NCR3: variants seen among roughly 807,000 people sequenced by gnomAD.
The protein encoded by NCR3 is NK-p30.
A neutral mutation model predicts 16.1 loss-of-function variants in NCR3; 13 were observed. The observed-to-expected ratio is 0.81, with a 90% CI of 0.53 to 1.28. The LOEUF (loss-of-function observed/expected upper bound fraction) is 1.28, where lower values mean the gene tolerates loss of function less well. Ranked by LOEUF, NCR3 falls within the 50% of genes most tolerant of loss-of-function variation. The probability of loss-of-function intolerance (pLI) is 0.00; values close to 1 mark genes in which losing one functional copy is unlikely to be tolerated. For missense variants in NCR3, 202 were observed against 256.8 expected (o/e 0.79, Z 1.46); for synonymous variants, 98 against 106.6 (o/e 0.92, Z 0.50).
Position 31,589,769 on chromosome 6 carries a change from C to G in NCR3, c.388+13G>C, listed in dbSNP as rs749488239. ...CTCCAGCCAGGAGGAGACACCACCTCCCAGCATCTCACCTTTCTCCACCAC... is the reference window on the plus strand; with the variant it reads ...CTCCAGCCAGGAGGAGACACCACCTGCCAGCATCTCACCTTTCTCCACCAC... On this transcript the variant is annotated intron_variant, in intron 2 of 3. Coordinates refer to ENST00000340027, the MANE Select transcript of NCR3 (RefSeq NM_147130.3). The surrounding 1 kb of genome is among the most constrained non-coding windows in gnomAD (Gnocchi z 4.8). 1.2e-6 allele frequency: 2 copies of G among 1,607,140 alleles called. No homozygotes were observed. Among genetic ancestry groups the G allele is most frequent in the Non-Finnish European group, 1.7e-6 (2 of 1,176,050 alleles).
chr6:31,591,406 T>G (rs1367827323), intron 1 of NCR3, among the ~76,000 whole-genome samples: 2 of 151,844 alleles, frequency 1.3e-5, no homozygotes, highest in African/African-American at 4.8e-5. Context: ...AGTTTTTGAC[T>G]CAGTAGGTCT....
intron 1 of NCR3, 139 bp from the exon 2 acceptor site, chr6:31,590,265 A>G (rs1379027268): frequency 1.5e-6 from 1 of 689,366 alleles, no homozygotes; most frequent in East Asian, 2.7e-5. Context: ...GCCTCATTAA[A>G]CCCTTCCCTC....
chr6:31,592,372 C>T (rs1772696175), intron 1 of NCR3, among the ~76,000 whole-genome samples: 1 of 147,942 alleles, frequency 6.8e-6, no homozygotes, highest in Non-Finnish European at 1.5e-5. Context: ...AAAATCGCAC[C>T]ACGGCACTCC....
rs752238331 is a variant in NCR3, at chr6:31,589,610, T to C, written c.412A>G (p.Thr138Ala). Residue 138 changes from threonine (T) to alanine (A), a missense_variant, in exon 3 of 4, where the codon ACA becomes GCA. By Grantham distance (58) the Thr-to-Ala change is moderately conservative (BLOSUM62 0). Coordinates refer to ENST00000340027, the MANE Select transcript of NCR3 (RefSeq NM_147130.3). The surrounding 1 kb of genome is among the most constrained non-coding windows in gnomAD (Gnocchi z 4.8). ...AATCCAGCCCGAAGGAGGAGGACTGTACCAGCCCCTAGCTGAGGATGTTCT... is the reference window on the plus strand; with the variant it reads ...AATCCAGCCCGAAGGAGGAGGACTGCACCAGCCCCTAGCTGAGGATGTTCT... The part of the protein sequence containing the change: ...EKEHPQLGAG[T>A]VLLLRAGFYA... The C allele has an allele frequency of 6.2e-7, 1 of 1,613,638 alleles. No homozygotes were observed. Among genetic ancestry groups the C allele is most frequent in the Non-Finnish European group, 8.5e-7 (1 of 1,180,012 alleles).
At position 31,589,823 on chromosome 6, in the gene NCR3, C is replaced by G. The variant is rs534765889; in HGVS notation, c.347G>C (p.Gly116Ala). 92 of 1,613,152 alleles carry G rather than the reference C, an allele frequency of 5.7e-5. No individual in the cohort carries two copies. In the East Asian group the frequency reaches 1.9e-3, roughly 34 times the overall value. ...CCGAGTCCCATTCCCTGTCCCGACA[C>G]CAAGGCCCAGCACCTCCACTCTGCA... ...YVCRVEVLGL[G>A]VGTGNGTRLV... The change falls in exon 2 of 4, where the codon GGT (glycine) becomes GCT (alanine). Residue 116 changes from glycine (G) to alanine (A), a missense_variant. Gly to Ala is a moderately conservative substitution (Grantham distance 60). Coordinates refer to ENST00000340027, the MANE Select transcript of NCR3 (RefSeq NM_147130.3). The surrounding 1 kb of genome is among the most constrained non-coding windows in gnomAD (Gnocchi z 4.8).
rs1425270891 is a variant in NCR3 at position 31,589,334 on chromosome 6, A to G, written c.497-158T>C. The G allele has an allele frequency of 3.2e-6, 5 of 1,552,260 alleles. No individual in the cohort carries two copies. The highest frequency in any genetic ancestry group is 2.0e-5 in the Admixed American group (1 of 51,008). ...GGACTAGGGACATCTGGGCTCTGGA[A>G]TCACTCCTCGGGGCCCATCTGAGGA... is the stretch of plus-strand genomic sequence containing the variant. On this transcript the variant is annotated intron_variant, in intron 3 of 3. Transcript: ENST00000340027. This position sits in a 1 kb window ranked among gnomAD's most constrained non-coding sequence, Gnocchi z 4.8.
At position 31,592,767 on chromosome 6, in the gene NCR3, C is replaced by CT; in HGVS notation, c.-47dup. ...GCGAAGGGGATCTGAGCAGTGAGGT[C>CT]TGGGTGGAGGAGGAAGGACTCACTA... On this transcript the variant is annotated 5_prime_UTR_variant, in exon 1 of 4. Transcript: ENST00000340027. 1 of 1,610,072 alleles carries CT rather than the reference C, an allele frequency of 6.2e-7. No individual in the cohort carries two copies. The highest frequency in any genetic ancestry group is 8.5e-7 in the Non-Finnish European group (1 of 1,177,812).
At position 31,592,980 on chromosome 6, in the gene NCR3, T is replaced by C; in HGVS notation, c.-259A>G. On this transcript the variant is annotated 5_prime_UTR_variant, in exon 1 of 4. Coordinates refer to ENST00000340027, the MANE Select transcript of NCR3 (RefSeq NM_147130.3). ...GTCTCTAGGAGGCCAAGGGGCCAGCTTGTGGCAGGCTAGCTAAGCGTGTGA... is the reference window on the plus strand; with the variant it reads ...GTCTCTAGGAGGCCAAGGGGCCAGCCTGTGGCAGGCTAGCTAAGCGTGTGA... The C allele has an allele frequency of 1.7e-6, 1 of 579,680 alleles. No individual in the cohort carries two copies. Among genetic ancestry groups the C allele is most frequent in the South Asian group, 2.0e-5 (1 of 50,256 alleles). The allele number at this position is 579,680 out of a possible 1,614,324, so 35.9% of individuals were successfully genotyped here.
rs3179004 is a variant in NCR3, at chr6:31,589,145, C to T, written c.528G>A (p.Leu176=). ...CLTWKGPRRQ[L]PAVVPAPLPP... ...GGAGGGGCGCTGGGACCACAGCCGGCAGCTGCCTTCTTGGACCTTTCCAGG... is the reference window on the plus strand; with the variant it reads ...GGAGGGGCGCTGGGACCACAGCCGGTAGCTGCCTTCTTGGACCTTTCCAGG... The change falls in exon 4 of 4, where the codon CTG becomes CTA. Residue 176 remains leucine, a synonymous_variant. Transcript: ENST00000340027. The surrounding 1 kb of genome is among the most constrained non-coding windows in gnomAD (Gnocchi z 4.8). 60,390 of 1,613,792 alleles carry T rather than the reference C, an allele frequency of 0.037. 2,001 individuals are homozygous for T. Among genetic ancestry groups the T allele is most frequent in the South Asian group, 0.13 (11,532 of 91,012 alleles).
chr6:31,589,693 AG>A lies in NCR3; in HGVS notation c.389-61del, dbSNP rs1451064415. 1.2e-6 allele frequency: 2 copies of A among 1,607,762 alleles called. No individual in the cohort carries two copies. The highest frequency in any genetic ancestry group is 1.7e-6 in the Non-Finnish European group (2 of 1,175,936). ...AAGTGCACACAGGCTCAGGGAGGGAAGGGGCCTCAGAGGAGCATCCCTGCCT... is the reference window on the plus strand; with the variant it reads ...AAGTGCACACAGGCTCAGGGAGGGAAGGGCCTCAGAGGAGCATCCCTGCCT... On this transcript the variant is annotated intron_variant, in intron 2 of 3. Transcript: ENST00000340027. The surrounding 1 kb of genome is among the most constrained non-coding windows in gnomAD (Gnocchi z 4.8).
At chr6:31,590,476 C>A (rs1052771209) in intron 1 of NCR3, among the ~76,000 whole-genome samples, 2 of 152,016 alleles carry the variant, frequency 1.3e-5, no homozygotes, top group African/African-American at 2.4e-5. Flanking sequence ...GTGGTGTGCA[C>A]CTGTAATCCC....
rs1772439360 is a variant in NCR3 at position 31,589,647 on chromosome 6, T to A, written c.389-14A>T. The A allele has an allele frequency of 3.1e-6, 5 of 1,612,948 alleles. No homozygotes were observed. In the East Asian group the frequency reaches 8.9e-5, roughly 29 times the overall value. ...GCTGAGGATGTTCTGCATGGGGCAA[T>A]GGAGACGGGGGTTGGGGAAGAAGTG... On this transcript the variant is annotated splice_polypyrimidine_tract_variant and intron_variant, in intron 2 of 3. Coordinates refer to ENST00000340027, the MANE Select transcript of NCR3 (RefSeq NM_147130.3). This position sits in a 1 kb window ranked among gnomAD's most constrained non-coding sequence, Gnocchi z 4.8.
In NCR3 at chr6:31,590,178, G is replaced by A. The variant is rs779048532; in HGVS notation, c.44-52C>T. On this transcript the variant is annotated intron_variant, in intron 1 of 3. Transcript: ENST00000340027. ...AACACCTCCCCAGTTATTCCAAAGA[G>A]AAAAGACAACAGAGCTTGGAGTAGA... 9 of 1,496,028 alleles carry A rather than the reference G, an allele frequency of 6.0e-6. No homozygotes were observed. The South Asian group carries it at 1.1e-4, about 19-fold the overall frequency. 92.7% of individuals were successfully genotyped at this position (1,496,028 alleles called of 1,614,324 possible).
Position 31,592,804 on chromosome 6 carries a change from G to T in NCR3, c.-83C>A. ...GGAAGGACTCACTACTTGTAGCCAG[G>T]CCTTTGGTCACCAGATGGGGATGGG... On this transcript the variant is annotated 5_prime_UTR_variant, in exon 1 of 4. Transcript: ENST00000340027. The T allele has an allele frequency of 6.6e-7, 1 of 1,510,902 alleles. No individual in the cohort carries two copies. The highest frequency in any genetic ancestry group is 9.2e-7 in the Non-Finnish European group (1 of 1,092,004). The allele number at this position is 1,510,902 out of a possible 1,614,324, so 93.6% of individuals were successfully genotyped here. A position where few individuals can be genotyped will look rare whatever the true frequency, so the allele number is the denominator to read the frequency against.
At chr6:31,592,595 G>A (rs980679755) in intron 1 of NCR3, 84 bp downstream of exon 1, 11 of 1,507,082 alleles carry the variant, frequency 7.3e-6, no homozygotes, top group East Asian at 4.6e-5. Flanking sequence ...CACCAAGCCC[G>A]TTCCCTATAG....
Position 31,589,613 on chromosome 6 carries a change from C to T in NCR3, c.409G>A (p.Gly137Ser). The change falls in exon 3 of 4, where the codon GGT (glycine) becomes AGT (serine). Residue 137 changes from glycine to serine, a missense_variant. By Grantham distance (56) the Gly-to-Ser change is moderately conservative. Coordinates refer to ENST00000340027, the MANE Select transcript of NCR3 (RefSeq NM_147130.3). The surrounding 1 kb of genome is among the most constrained non-coding windows in gnomAD (Gnocchi z 4.8). ...CCAGCCCGAAGGAGGAGGACTGTAC[C>T]AGCCCCTAGCTGAGGATGTTCTGCA... is the stretch of plus-strand genomic sequence containing the variant. ...VEKEHPQLGA[G>S]TVLLLRAGFY... is the part of the protein sequence containing the mutation. 6.2e-7 allele frequency: 1 copy of T among 1,613,760 alleles called. No homozygotes were observed. Among genetic ancestry groups the T allele is most frequent in the South Asian group, 1.1e-5 (1 of 91,074 alleles).
Position 31,589,909 on chromosome 6 carries a change from A to G in NCR3, c.261T>C (p.His87=). 1 of 1,613,128 alleles carries G rather than the reference A, an allele frequency of 6.2e-7. No homozygotes were observed. The highest frequency in any genetic ancestry group is 8.5e-7 in the Non-Finnish European group (1 of 1,180,028). ...GGATGTGCAGCTCAGCCTGGTGGTC[A>G]TGGAGGAAACGGGAAGAAGCAAGTG... is the stretch of plus-strand genomic sequence containing the variant. ...LAPLASSRFL[H]DHQAELHIRD... Residue 87 remains histidine (H), a synonymous_variant, in exon 2 of 4, where the codon CAT becomes CAC. Coordinates refer to ENST00000340027, the MANE Select transcript of NCR3 (RefSeq NM_147130.3). This position sits in a 1 kb window ranked among gnomAD's most constrained non-coding sequence, Gnocchi z 4.8.
Position 31,589,687 on chromosome 6 carries a change from G to A in NCR3, c.389-54C>T. On this transcript the variant is annotated intron_variant, in intron 2 of 3. Transcript: ENST00000340027. This position sits in a 1 kb window ranked among gnomAD's most constrained non-coding sequence, Gnocchi z 4.8. ...GGGAAGAAGTGCACACAGGCTCAGG[G>A]AGGGAAGGGGCCTCAGAGGAGCATC... 2 of 1,609,524 alleles carry A rather than the reference G, an allele frequency of 1.2e-6. No homozygotes were observed. Among genetic ancestry groups the A allele is most frequent in the Non-Finnish European group, 1.7e-6 (2 of 1,177,230 alleles).
chr6:31,592,795 T>A lies in NCR3; in HGVS notation c.-74A>T, dbSNP rs1281066913. 9.0e-6 allele frequency: 14 copies of A among 1,549,770 alleles called. No homozygotes were observed. The highest frequency in any genetic ancestry group is 1.7e-5 in the Admixed American group (1 of 59,058). On this transcript the variant is annotated 5_prime_UTR_variant, in exon 1 of 4. Coordinates refer to ENST00000340027, the MANE Select transcript of NCR3 (RefSeq NM_147130.3). ...GGTGGAGGAGGAAGGACTCACTACTTGTAGCCAGGCCTTTGGTCACCAGAT... is the reference window on the plus strand; with the variant it reads ...GGTGGAGGAGGAAGGACTCACTACTAGTAGCCAGGCCTTTGGTCACCAGAT...
Sources: allele counts gnomAD v4.1 joint callset (sites outside exome capture counted in the v4.1 genomes callset), GRCh38; gene constraint gnomAD v4.1.1; non-coding constraint Gnocchi (gnomAD v3.1); transcripts MANE v1.5; gene names NCBI Gene and HGNC (gene_info 2026-07-23, HGNC 2026-07-21).